The following HEXD variants were observed in gnomAD, a reference collection of about 807,000 sequenced individuals.
HEXD encodes N-acetyl-beta-galactosaminidase.
Under a neutral mutation model 54.2 loss-of-function variants are expected in HEXD, and 47 were observed. The observed-to-expected ratio is 0.87, with a 90% CI of 0.69 to 1.11. HEXD has a LOEUF of 1.11. HEXD is among the 50% of genes least tolerant of loss of function. The probability of loss-of-function intolerance (pLI) is 0.00; values close to 1 mark genes in which losing one functional copy is unlikely to be tolerated. For synonymous variants in HEXD, 293 were observed against 287.6 expected (o/e 1.02, Z -0.19); for missense variants, 576 against 649.2 (o/e 0.89, Z 1.23).
At chr17:82,429,453 G>A (rs1000344989) in intron 4 of HEXD, among the ~76,000 whole-genome samples, 13 of 152,042 alleles carry the variant, frequency 8.6e-5, no homozygotes, top group African/African-American at 1.5e-4. Context: ...TGTTCTGGGC[G>A]TGCCACCGGA....
rs1055770585 is a variant in HEXD, at chr17:82,434,009, G to C, written c.447+187G>C. Among the ~76,000 whole-genome samples, 1 of 152,144 alleles carries C rather than the reference G, an allele frequency of 6.6e-6. No homozygotes were observed. Among genetic ancestry groups the C allele is most frequent in the African/African-American group, 2.4e-5 (1 of 41,448 alleles). On this transcript the variant is annotated intron_variant, in intron 5 of 12. Transcript: ENST00000327949. The surrounding 1 kb of genome is among the most constrained non-coding windows in gnomAD (Gnocchi z 4.5). ...ACGGGACAGCCTGCGGAGCCCGAGG[G>C]AGGCACCCTCGTGTCAGACGCGTCC...
chr17:82,436,811 C>A, intron 7 of HEXD, 73 bp downstream of exon 7: 1 of 1,413,788 alleles, frequency 7.1e-7, no homozygotes, highest in Non-Finnish European at 9.8e-7. Flanking sequence ...CCCTGTGACC[C>A]TGCAGCCGGA....
intron 11 of HEXD, among the ~76,000 whole-genome samples, 167 bp from the exon 12 acceptor site, chr17:82,441,633 C>A (rs370033793): frequency 5.9e-5 from 9 of 152,066 alleles, no homozygotes; most frequent in Non-Finnish European, 1.0e-4. Context: ...CAAGTCCCCC[C>A]ACTCCCAGGC....
rs530616277 is a variant in HEXD, at chr17:82,421,655, G to A, written c.84+1772G>A. On this transcript the variant is annotated intron_variant, in intron 2 of 12. Transcript: ENST00000327949. The stretch of plus-strand genomic sequence containing the variant: ...AGCCTGGGCAACATGGAGAAACCCC[G>A]TCTCTACTAAGAATACAAAAATTAG... Among the ~76,000 whole-genome samples the A allele has an allele frequency of 1.6e-4, 24 of 151,912 alleles. 1 individual carries two copies. Among genetic ancestry groups the A allele is most frequent in the African/African-American group, 4.8e-4 (20 of 41,434 alleles).
At position 82,437,118 on chromosome 17, in the gene HEXD, G is replaced by A. The variant is rs763081452; in HGVS notation, c.704-50G>A. 9 of 1,494,982 alleles carry A rather than the reference G, an allele frequency of 6.0e-6. No homozygotes were observed. In the East Asian group the frequency reaches 6.9e-5, roughly 11 times the overall value. 92.6% of individuals were successfully genotyped at this position (1,494,982 alleles called of 1,614,324 possible). The stretch of plus-strand genomic sequence containing the variant: ...AGCCCCGGGAGGCGTGTCCAGGGCC[G>A]TGTTGGCCGCCTCCCCTGGAGCCAC... On this transcript the variant is annotated intron_variant, in intron 7 of 12. Coordinates refer to ENST00000327949, the MANE Select transcript of HEXD (RefSeq NM_001330542.2).
intron 4 of HEXD, among the ~76,000 whole-genome samples, chr17:82,430,346 T>C (rs941739584): frequency 1.3e-5 from 2 of 152,216 alleles, no homozygotes; most frequent in African/African-American, 4.8e-5. Context: ...GGTTTCTTAC[T>C]GAGGAAGACC....
Position 82,442,148 on chromosome 17 carries a change from CTG to C in HEXD, c.1254-26_1254-25del, listed in dbSNP as rs764624810. ...TGAGGGCAAGTCCCAAGTGTGCAGA[CTG>C]TGCGTTCATGGCGCCCTCACCTGCA... is the stretch of plus-strand genomic sequence containing the variant. On this transcript the variant is annotated intron_variant, in intron 12 of 12. Coordinates refer to ENST00000327949, the MANE Select transcript of HEXD (RefSeq NM_001330542.2). This position sits in a 1 kb window ranked among gnomAD's most constrained non-coding sequence, Gnocchi z 6.8. The C allele has an allele frequency of 4.4e-6, 7 of 1,583,610 alleles. No individual in the cohort carries two copies. The highest frequency in any genetic ancestry group is 2.0e-4 in the Middle Eastern group (1 of 5,072).
In HEXD at chr17:82,424,594, C is replaced by T. The variant is rs557289202; in HGVS notation, c.194+91C>T. 209 of 824,964 alleles carry T rather than the reference C, an allele frequency of 2.5e-4. No homozygotes were observed. In the African/African-American group the frequency reaches 3.3e-3, roughly 13 times the overall value. The allele number at this position is 824,964 out of a possible 1,614,324, so 51.1% of individuals were successfully genotyped here. On this transcript the variant is annotated intron_variant, in intron 3 of 12. Transcript: ENST00000327949. ...CAGGAGGAGCAGCAACCTGGAGGTG[C>T]GGGTGGCACAGTCAGGAACTGAACA...
chr17:82,438,987 C>T (rs2053851362), intron 8 of HEXD, among the ~76,000 whole-genome samples: 1 of 152,184 alleles, frequency 6.6e-6, no homozygotes, highest in Non-Finnish European at 1.5e-5. Context: ...TTCGCCTGTG[C>T]TCACACCTGG....
rs766831114 is a variant in HEXD at position 82,435,645 on chromosome 17, G to A, written c.448-44G>A. The A allele has an allele frequency of 4.4e-6, 7 of 1,576,180 alleles. No individual in the cohort carries two copies. In the South Asian group the frequency reaches 6.9e-5, roughly 15 times the overall value. ...GTGAACCCCGGACCCTCCCACCGGT[G>A]TGCACGGCTGCCAAGGCAACCCCGT... is the stretch of plus-strand genomic sequence containing the variant. On this transcript the variant is annotated intron_variant, in intron 5 of 12. Coordinates refer to ENST00000327949, the MANE Select transcript of HEXD (RefSeq NM_001330542.2).
chr17:82,437,496 T>C, intron 8 of HEXD, 133 bp downstream of exon 8: 1 of 774,672 alleles, frequency 1.3e-6, no homozygotes, highest in South Asian at 2.2e-5. Context: ...CAAGAGGAGC[T>C]GCAGAAACAG....
At chr17:82,433,128 A>ATATATTT (rs71168109) in intron 4 of HEXD, among the ~76,000 whole-genome samples, 8 of 13,068 alleles carry the variant, frequency 6.1e-4, no homozygotes, top group Non-Finnish European at 8.3e-4. Context: ...ATATATATAT[A>ATATATTT]TTTTTTTTTT....
chr17:82,441,947 G>A (rs1369094608), intron 12 of HEXD, 58 bp downstream of exon 12: 2 of 1,531,104 alleles, frequency 1.3e-6, no homozygotes, highest in African/African-American at 1.4e-5. Flanking sequence ...AACTGCTGCT[G>A]TTGCTGACAT....
Position 82,425,077 on chromosome 17 carries a change from A to G in HEXD, c.194+574A>G, listed in dbSNP as rs558025556. On this transcript the variant is annotated intron_variant, in intron 3 of 12. Transcript: ENST00000327949. ...CAGAGAAGGCTGGAGAAGGCTGGAG[A>G]AGGCTGGAGGAGGCTGGGCTAGAGA... Among the ~76,000 whole-genome samples, 1,204 of 127,224 alleles carry G rather than the reference A, an allele frequency of 9.5e-3. 9 individuals carry two copies. The highest frequency in any genetic ancestry group is 0.017 in the Middle Eastern group (3 of 180). 83.5% of individuals were successfully genotyped at this position (127,224 alleles called of 152,430 possible).
At chr17:82,440,901 G>T in intron 9 of HEXD, 96 bp from the exon 10 acceptor site, 2 of 1,394,982 alleles carry the variant, frequency 1.4e-6, no homozygotes, top group Admixed American at 4.0e-5. Flanking sequence ...ATTGCCGCCC[G>T]CCCACTGCCC....
At position 82,418,506 on chromosome 17, in the gene HEXD, C is replaced by A; in HGVS notation, c.-286C>A. 7.5e-7 allele frequency: 1 copy of A among 1,328,660 alleles called. No homozygotes were observed. Among genetic ancestry groups the A allele is most frequent in the Non-Finnish European group, 9.6e-7 (1 of 1,038,594 alleles). The allele number at this position is 1,328,660 out of a possible 1,614,324, so 82.3% of individuals were successfully genotyped here. A position where few individuals can be genotyped will look rare whatever the true frequency, so the allele number is the denominator to read the frequency against. ...GCCATCGGACCAGGCCGCCGCGGAG[C>A]CGGGCCGGACGCGGGCGCCAGGCCC... is the stretch of plus-strand genomic sequence containing the variant. On this transcript the variant is annotated 5_prime_UTR_variant, in exon 1 of 13. Transcript: ENST00000327949.
chr17:82,428,611 T>C lies in HEXD; in HGVS notation c.248T>C (p.Val83Ala). Residue 83 changes from valine (V) to alanine (A), a missense_variant, in exon 4 of 13, where the codon GTG (valine) becomes GCG (alanine). Transcript: ENST00000327949. ...CTGGCTGGACTCAATGAGCTGGAGG[T>C]GATTCCCTTGGTGCAGACATTTGGA... ...LHLAGLNELEVIPLVQTFGHM... is the reference protein window; with the variant it reads ...LHLAGLNELEAIPLVQTFGHM... The C allele has an allele frequency of 1.2e-6, 2 of 1,613,254 alleles. No individual in the cohort carries two copies. Among genetic ancestry groups the C allele is most frequent in the Non-Finnish European group, 1.7e-6 (2 of 1,179,354 alleles).
rs146026135 is a variant in HEXD, at chr17:82,420,082, G to A, written c.84+199G>A. 3.1e-3 allele frequency: 1,167 copies of A among 373,762 alleles called. 9 individuals carry two copies. The Middle Eastern group carries it at 0.048, about 16-fold the overall frequency. 23.2% of individuals were successfully genotyped at this position (373,762 alleles called of 1,614,324 possible). A position where few individuals can be genotyped will look rare whatever the true frequency, so the allele number is the denominator to read the frequency against. ...AACAGAACAACCAGGATGACAAAAGGGAAAAAAAAAAAAGACAGAGAACAA... is the reference window on the plus strand; with the variant it reads ...AACAGAACAACCAGGATGACAAAAGAGAAAAAAAAAAAAGACAGAGAACAA... On this transcript the variant is annotated intron_variant, in intron 2 of 12. Coordinates refer to ENST00000327949, the MANE Select transcript of HEXD (RefSeq NM_001330542.2).
At position 82,438,812 on chromosome 17, in the gene HEXD, C is replaced by T. The variant is rs543894039; in HGVS notation, c.900-819C>T. Among the ~76,000 whole-genome samples the T allele has an allele frequency of 3.1e-3, 470 of 152,360 alleles. 2 individuals are homozygous for T. Among genetic ancestry groups the T allele is most frequent in the African/African-American group, 0.01 (435 of 41,578 alleles). ...CACCATGCATGTCCGGAGCTGGCAG[C>T]GGCTCTGCAGAAGCTTCTAGATAGT... On this transcript the variant is annotated intron_variant, in intron 8 of 12. Transcript: ENST00000327949.
Sources: allele counts gnomAD v4.1 joint callset (sites outside exome capture counted in the v4.1 genomes callset), GRCh38; gene constraint gnomAD v4.1.1; non-coding constraint Gnocchi (gnomAD v3.1); transcripts MANE v1.5; gene names NCBI Gene and HGNC (gene_info 2026-07-23, HGNC 2026-07-21).